Variants in AFG2A observed in about 807,000 individuals in gnomAD.
AFG2A encodes the protein ATPase family gene 2 protein homolog A.
the AFG2A span, among the ~76,000 whole-genome samples, chr4:122,975,708 T>C: frequency 3.9e-5 from 6 of 152,100 alleles, no homozygotes; most frequent in African/African-American, 1.4e-4. Context: ...TAAGCATGTC[T>C]ATCCTTTGCT....
At chr4:123,045,073 CTG>C in the AFG2A span, among the ~76,000 whole-genome samples, 1 of 151,816 alleles carries the variant, frequency 6.6e-6, no homozygotes, top group African/African-American at 2.4e-5. Context: ...TTTACGATAC[CTG>C]TTTTTAAGAT....
At chr4:122,989,639 T>C in the AFG2A span, among the ~76,000 whole-genome samples, 1 of 152,112 alleles carries the variant, frequency 6.6e-6, no homozygotes, top group East Asian at 1.9e-4. Flanking sequence ...TGTGTAGGCC[T>C]AGAGCCTAAG....
the AFG2A span, chr4:122,934,075 T>C: frequency 6.5e-7 from 1 of 1,546,594 alleles, no homozygotes; most frequent in Non-Finnish European, 8.7e-7. Context: ...CTAACATGTA[T>C]ATTTAATATA....
chr4:123,227,419 C>T, the AFG2A span, among the ~76,000 whole-genome samples: 1 of 152,040 alleles, frequency 6.6e-6, no homozygotes, highest in African/African-American at 2.4e-5. Flanking sequence ...TGTCTTTGTT[C>T]TCGTTGGTTT....
the AFG2A span, among the ~76,000 whole-genome samples, chr4:123,310,506 G>A: frequency 1.3e-5 from 2 of 152,220 alleles, no homozygotes; most frequent in East Asian, 1.9e-4. Context: ...TTCCAAAGCT[G>A]TAACTTATTC....
chr4:123,302,167 G>A, the AFG2A span, among the ~76,000 whole-genome samples: 2 of 152,190 alleles, frequency 1.3e-5, no homozygotes. Flanking sequence ...CAGCAAGGAG[G>A]TTGAGACACT....
the AFG2A span, among the ~76,000 whole-genome samples, chr4:123,104,275 AT>A: frequency 1.3e-5 from 2 of 152,028 alleles, no homozygotes; most frequent in Non-Finnish European, 2.9e-5. Context: ...TATTATTGTA[AT>A]TGTTTTAGGA....
chr4:122,934,196 T>C, the AFG2A span: 1 of 1,614,126 alleles, frequency 6.2e-7, no homozygotes, highest in Non-Finnish European at 8.5e-7. Context: ...GATGGCATGA[T>C]ATTGGGAGGG....
At chr4:123,233,836 A>G in the AFG2A span, among the ~76,000 whole-genome samples, 1 of 152,000 alleles carries the variant, frequency 6.6e-6, no homozygotes, top group African/African-American at 2.4e-5. Flanking sequence ...TTAAGCATAG[A>G]ATCTCTTCTC....
At chr4:123,255,716 T>C in the AFG2A span, among the ~76,000 whole-genome samples, 15 of 40,780 alleles carry the variant, frequency 3.7e-4, no homozygotes, top group Non-Finnish European at 8.1e-4. Context: ...ACTGCTTTTC[T>C]ATTTTTTTTT....
At chr4:122,942,890 G>C in the AFG2A span, among the ~76,000 whole-genome samples, 1 of 151,276 alleles carries the variant, frequency 6.6e-6, no homozygotes, top group Non-Finnish European at 1.5e-5. Context: ...ATTTCGTTAT[G>C]TACCCAGTAG....
chr4:123,148,093 T>C, the AFG2A span, among the ~76,000 whole-genome samples: 1 of 152,230 alleles, frequency 6.6e-6, no homozygotes, highest in Non-Finnish European at 1.5e-5. Context: ...AATCACTGTA[T>C]ATTTAAATCT....
At chr4:123,176,476 G>A in the AFG2A span, among the ~76,000 whole-genome samples, 1 of 152,096 alleles carries the variant, frequency 6.6e-6, no homozygotes, top group Non-Finnish European at 1.5e-5. Context: ...CTTACAGCAA[G>A]TCCTATAACA....
At chr4:123,017,177 GGGGGA>G in the AFG2A span, among the ~76,000 whole-genome samples, 1 of 11,320 alleles carries the variant, frequency 8.8e-5, no homozygotes. Flanking sequence ...AGAGGGAGAG[GGGGGA>G]GAGGGAAAGG....
the AFG2A span, among the ~76,000 whole-genome samples, chr4:123,228,228 T>G: frequency 4.3e-4 from 66 of 152,084 alleles, 1 homozygote. Flanking sequence ...CATTTAAGGT[T>G]AATATTGTTA....
the AFG2A span, among the ~76,000 whole-genome samples, chr4:123,115,398 G>T: frequency 6.6e-6 from 1 of 152,116 alleles, no homozygotes; most frequent in African/African-American, 2.4e-5. Context: ...CCGCCAGCAG[G>T]GTGGGTGCGG....
chr4:123,304,713 A>C, the AFG2A span, among the ~76,000 whole-genome samples: 1 of 152,234 alleles, frequency 6.6e-6, no homozygotes. Flanking sequence ...GAAGCTGAGA[A>C]GCACATTTCG....
chr4:123,021,154 A>G, the AFG2A span, among the ~76,000 whole-genome samples: 2 of 151,528 alleles, frequency 1.3e-5, no homozygotes, highest in African/African-American at 4.9e-5. Context: ...TGTATCATCC[A>G]TTTCCTCTTA....
the AFG2A span, among the ~76,000 whole-genome samples, chr4:123,123,962 A>C: frequency 6.7e-6 from 1 of 149,278 alleles, no homozygotes; most frequent in African/African-American, 2.4e-5. Flanking sequence ...AAAAAAAAAA[A>C]AAAAAAAAAA....
Sources: allele counts gnomAD v4.1 joint callset (sites outside exome capture counted in the v4.1 genomes callset), GRCh38; gene constraint gnomAD v4.1.1; transcripts MANE v1.5; gene names NCBI Gene and HGNC (gene_info 2026-07-23, HGNC 2026-07-21).